Variants in COL5A2 observed in about 807,000 individuals in gnomAD.
COL5A2 encodes the protein collagen alpha-2(V) chain.
A neutral mutation model predicts 208.2 loss-of-function variants in COL5A2; 23 were observed. That is an observed-to-expected ratio of 0.11 (90% CI 0.08 to 0.16). The LOEUF is 0.16. Ranked by LOEUF, COL5A2 falls within the 10% of genes least tolerant of loss-of-function variation. The probability of loss-of-function intolerance (pLI) is 1.00; values close to 1 mark genes in which losing one functional copy is unlikely to be tolerated. For missense variants in COL5A2, 1,590 were observed against 1,956.4 expected, an observed-to-expected ratio of 0.81 and a Z score of 3.53; for synonymous variants, 625 against 628.5, an observed-to-expected ratio of 0.99 and a Z score of 0.08.
At chr2:189,299,811 A>C in the COL5A2 span, among the ~76,000 whole-genome samples, 22,841 of 152,116 alleles carry the variant, frequency 0.15, 2,017 homozygotes, top group South Asian at 0.21. Context: ...AAACTTAATA[A>C]AAAATGACCC....
At position 189,057,334 on chromosome 2, in the gene COL5A2, G is replaced by A. The variant is rs1247363398; in HGVS notation, c.2323C>T (p.Pro775Ser). The change falls in exon 34 of 54, where the codon CCC becomes TCC. Residue 775 changes from proline (P) to serine (S), a missense_variant. Physicochemically the swap from Pro to Ser is moderately conservative, Grantham distance 74. Transcript: ENST00000374866. ...AAAGGACTTACTCTGTCACCCTTGG[G>A]GCCAGGAGTTCCTGCAATTCCTCTT... is the stretch of plus-strand genomic sequence containing the variant. ...GERGIAGTPG[P>S]KGDRGGIGEK... The A allele has an allele frequency of 1.9e-6, 3 of 1,604,332 alleles. No homozygotes were observed. Among genetic ancestry groups the A allele is most frequent in the Non-Finnish European group, 2.6e-6 (3 of 1,172,712 alleles).
chr2:189,066,579 G>T (rs764032025), intron 22 of COL5A2, 82 bp from the exon 23 acceptor site: 14 of 1,458,402 alleles, frequency 9.6e-6, no homozygotes, highest in Non-Finnish European at 1.2e-5. Context: ...AACGAAGTCA[G>T]TCACAAATTT....
At chr2:189,226,151 T>A (rs1282294352), upstream of COL5A2, among the ~76,000 whole-genome samples, 1 of 152,138 alleles carries the variant, frequency 6.6e-6, no homozygotes, top group Non-Finnish European at 1.5e-5. Context: ...TATGTCTACA[T>A]CTCCTAGCTA....
chr2:189,271,828 C>A, the COL5A2 span, among the ~76,000 whole-genome samples: 2 of 152,118 alleles, frequency 1.3e-5, no homozygotes, highest in African/African-American at 2.4e-5. Flanking sequence ...AAACAAACAA[C>A]CTCATCAAAA....
chr2:189,053,172 T>C (rs1349826083), intron 38 of COL5A2, among the ~76,000 whole-genome samples, 154 bp from the exon 39 acceptor site: 1 of 152,188 alleles, frequency 6.6e-6, no homozygotes, highest in African/African-American at 2.4e-5. Flanking sequence ...AGTACTCTGA[T>C]GAGATCTTTC....
At chr2:189,373,113 C>T in the COL5A2 span, among the ~76,000 whole-genome samples, 9 of 152,148 alleles carry the variant, frequency 5.9e-5, no homozygotes, top group African/African-American at 2.2e-4. Flanking sequence ...TGGATCATTT[C>T]ATGGCAAAAT....
At chr2:189,403,922 A>T in the COL5A2 span, among the ~76,000 whole-genome samples, 1 of 151,928 alleles carries the variant, frequency 6.6e-6, no homozygotes, top group East Asian at 1.9e-4. Flanking sequence ...TAATAGAGAC[A>T]GGGTTTCACC....
chr2:189,220,949 T>A lies in COL5A2; in HGVS notation c.-42+4199A>T, dbSNP rs569098298. On this transcript the variant is annotated intron_variant, in intron 1 of 10. Transcript: ENST00000649966. ...AAATATAAGCTCTCTGAGCTCAGGG[T>A]TTTTTATCAGTTTTGTTCACTGTCA... 2.6e-5 allele frequency among the ~76,000 whole-genome samples: 4 copies of A among 152,238 alleles called. No individual in the cohort carries two copies. The South Asian group carries it at 6.2e-4, about 24-fold the overall frequency.
the COL5A2 span, among the ~76,000 whole-genome samples, chr2:189,230,726 C>T: frequency 5.1e-4 from 78 of 151,914 alleles, no homozygotes; most frequent in East Asian, 6.2e-3. Context: ...AATTGGAACA[C>T]TTACGCACTG....
chr2:189,420,783 A>G, the COL5A2 span, among the ~76,000 whole-genome samples: 1 of 152,054 alleles, frequency 6.6e-6, no homozygotes, highest in Non-Finnish European at 1.5e-5. Context: ...ATCAGCCCCA[A>G]CTATACTTTT....
chr2:189,072,765 C>CAAAAAAAAAAAAAAA (rs58636533), intron 17 of COL5A2, among the ~76,000 whole-genome samples: 1 of 67,534 alleles, frequency 1.5e-5, no homozygotes, highest in Non-Finnish European at 2.9e-5. Context: ...ACTCCATCTC[C>CAAAAAAAAAAAAAAA]AAAAAAAAAA....
At chr2:189,327,522 G>A in the COL5A2 span, among the ~76,000 whole-genome samples, 1 of 152,118 alleles carries the variant, frequency 6.6e-6, no homozygotes, top group Non-Finnish European at 1.5e-5. Flanking sequence ...ATTAGAAGAG[G>A]GGGAGATGTG....
intron 1 of COL5A2, among the ~76,000 whole-genome samples, chr2:189,147,316 C>T (rs1042325405): frequency 9.9e-5 from 15 of 152,016 alleles, no homozygotes; most frequent in Admixed American, 7.9e-4. Flanking sequence ...AGACATATGA[C>T]CTACCAGTAA....
chr2:189,183,671 C>T (rs1688810880), upstream of COL5A2, among the ~76,000 whole-genome samples: 1 of 152,158 alleles, frequency 6.6e-6, no homozygotes, highest in Admixed American at 6.5e-5. Context: ...AACCTGCATC[C>T]TATTACTCCC....
chr2:189,077,438 AC>A (rs1406536510), intron 16 of COL5A2, among the ~76,000 whole-genome samples: 1 of 152,202 alleles, frequency 6.6e-6, no homozygotes, highest in Non-Finnish European at 1.5e-5. Context: ...GCAATTTAAT[AC>A]CCTGGTAAGA....
At chr2:189,432,804 T>C in the COL5A2 span, among the ~76,000 whole-genome samples, 1 of 152,178 alleles carries the variant, frequency 6.6e-6, no homozygotes, top group Admixed American at 6.5e-5. Context: ...TATTCAGGAA[T>C]TGAACTCAGC....
At chr2:189,281,216 C>A in the COL5A2 span, among the ~76,000 whole-genome samples, 1 of 152,002 alleles carries the variant, frequency 6.6e-6, no homozygotes, top group Non-Finnish European at 1.5e-5. Context: ...AAATCAAGTG[C>A]AATGCTCCCT....
intron 5 of COL5A2, chr2:189,097,588 T>C: frequency 7.8e-6 from 5 of 644,674 alleles, no homozygotes; most frequent in Admixed American, 2.1e-5. Flanking sequence ...GTGAGCTAAA[T>C]AGATTAGCTT....
chr2:189,101,407 T>C (rs1466986684), intron 3 of COL5A2, among the ~76,000 whole-genome samples: 3 of 152,108 alleles, frequency 2.0e-5, no homozygotes, highest in African/African-American at 7.2e-5. Context: ...TTTTCCACCA[T>C]CTACATGCAC....
Sources: allele counts gnomAD v4.1 joint callset (sites outside exome capture counted in the v4.1 genomes callset), GRCh38; gene constraint gnomAD v4.1.1; transcripts MANE v1.5; gene names NCBI Gene and HGNC (gene_info 2026-07-23, HGNC 2026-07-21).